Variants in PIK3CA observed in about 807,000 individuals in gnomAD.
PIK3CA encodes phosphatidylinositol 4,5-bisphosphate 3-kinase catalytic subunit alpha isoform.
In PIK3CA, 27 loss-of-function variants were observed where a neutral mutation model predicts 138.2. The observed-to-expected ratio is 0.20, with a 90% CI of 0.14 to 0.27. The LOEUF (loss-of-function observed/expected upper bound fraction) is 0.27, where lower values mean the gene tolerates loss of function less well. PIK3CA is among the 10% of genes least tolerant of loss of function. PIK3CA has a pLI of 1.00. For synonymous variants in PIK3CA, 358 were observed against 413.2 expected (o/e 0.87, Z 1.62); for missense variants, 544 against 1,277.4 (o/e 0.43, Z 8.75).
At chr3:179,163,458 G>T (rs751803691) in intron 1 of PIK3CA, among the ~76,000 whole-genome samples, 1 of 152,006 alleles carries the variant, frequency 6.6e-6, no homozygotes, top group Non-Finnish European at 1.5e-5. Flanking sequence ...GAGTTTAAAT[G>T]CAGCCTGCTA....
intron 1 of PIK3CA, among the ~76,000 whole-genome samples, chr3:179,164,020 C>G (rs1419668777): frequency 6.6e-6 from 1 of 152,094 alleles, no homozygotes; most frequent in Non-Finnish European, 1.5e-5. Flanking sequence ...ATGTATTTAA[C>G]AACTAAACTG....
chr3:179,174,343 C>A (rs1395449403), intron 1 of PIK3CA, among the ~76,000 whole-genome samples: 2 of 137,436 alleles, frequency 1.5e-5, no homozygotes, highest in African/African-American at 6.2e-5. Context: ...TGGTGGCAAG[C>A]ACCTGTAATC....
chr3:179,204,047 G>C (rs1025912550), intron 5 of PIK3CA, among the ~76,000 whole-genome samples: 1 of 152,012 alleles, frequency 6.6e-6, no homozygotes, highest in Non-Finnish European at 1.5e-5. Context: ...TACAGAATTC[G>C]TTTGGCAGAA....
rs1724362277 is a variant in PIK3CA, at chr3:179,199,755, C to T, written c.418C>T (p.Arg140Ter). 6.2e-7 allele frequency: 1 copy of T among 1,612,756 alleles called. No homozygotes were observed. The highest frequency in any genetic ancestry group is 1.3e-5 in the African/African-American group (1 of 74,860). Reference sequence around the variant, plus strand: ...TAAAGATCCAGAAGTACAGGACTTCCGAAGAAATATTCTGAACGTTTGTAA... The same window carrying T: ...TAAAGATCCAGAAGTACAGGACTTCTGAAGAAATATTCTGAACGTTTGTAA... ...MVKDPEVQDF[R>*]RNILNVCKEA... Residue 140 changes from arginine (R) to a stop codon, truncating the protein, a stop_gained, in exon 3 of 21, where the codon CGA (arginine) becomes TGA (stop). Coordinates refer to ENST00000263967, the MANE Select transcript of PIK3CA (RefSeq NM_006218.4). LOFTEE classifies it high-confidence loss of function.
chr3:179,166,884 A>G (rs1383383877), intron 1 of PIK3CA, among the ~76,000 whole-genome samples: 1 of 152,190 alleles, frequency 6.6e-6, no homozygotes, highest in African/African-American at 2.4e-5. Flanking sequence ...GGTTTAAACC[A>G]AATGTTAGCA....
intron 1 of PIK3CA, among the ~76,000 whole-genome samples, chr3:179,197,562 A>G (rs1724300640): frequency 6.6e-6 from 1 of 152,218 alleles, no homozygotes; most frequent in African/African-American, 2.4e-5. Flanking sequence ...CTTATTCGTC[A>G]TTAGATTCCC....
chr3:179,164,294 G>T (rs896310926), intron 1 of PIK3CA, among the ~76,000 whole-genome samples: 41 of 152,148 alleles, frequency 2.7e-4, no homozygotes, highest in African/African-American at 9.2e-4. Flanking sequence ...CTATATTTCC[G>T]ATACTTACAG....
At chr3:179,156,116 A>T (rs1723134841) in intron 1 of PIK3CA, among the ~76,000 whole-genome samples, 1 of 152,296 alleles carries the variant, frequency 6.6e-6, no homozygotes, top group Non-Finnish European at 1.5e-5. Context: ...AGAAGCTAAG[A>T]TCATTTTGTC....
chr3:179,161,376 A>G (rs1026160453), intron 1 of PIK3CA, among the ~76,000 whole-genome samples: 24 of 152,328 alleles, frequency 1.6e-4, no homozygotes, highest in African/African-American at 5.8e-4. Flanking sequence ...TAGACATACA[A>G]CAGAACAGAT....
At chr3:179,166,271 T>G (rs1723417561) in intron 1 of PIK3CA, among the ~76,000 whole-genome samples, 1 of 152,234 alleles carries the variant, frequency 6.6e-6, no homozygotes, top group Non-Finnish European at 1.5e-5. Context: ...AAATCTGGCT[T>G]CTTTTCTGGT....
chr3:179,163,920 C>T (rs1723349434), intron 1 of PIK3CA, among the ~76,000 whole-genome samples: 2 of 151,992 alleles, frequency 1.3e-5, no homozygotes, highest in Admixed American at 6.6e-5. Flanking sequence ...TCGAAAAGCA[C>T]GTGAACAATT....
intron 1 of PIK3CA, among the ~76,000 whole-genome samples, chr3:179,187,303 C>T (rs536851971): frequency 1.3e-5 from 2 of 151,670 alleles, no homozygotes; most frequent in African/African-American, 2.4e-5. Flanking sequence ...TTTGGGAGGC[C>T]GAGGTGGGCG....
chr3:179,205,015 C>T (rs57299654), intron 6 of PIK3CA, among the ~76,000 whole-genome samples: 10,843 of 100,154 alleles, frequency 0.11, 519 homozygotes, highest in African/African-American at 0.17. Flanking sequence ...AGCGAGACTC[C>T]GTCTCAAAAA....
chr3:179,218,885 A>G (rs1202318633), intron 10 of PIK3CA, among the ~76,000 whole-genome samples: 3 of 152,034 alleles, frequency 2.0e-5, no homozygotes, highest in Non-Finnish European at 4.4e-5. Flanking sequence ...TAAGTAGGTG[A>G]AAAATATGAG....
At chr3:179,226,207 A>G (rs368125140) in intron 17 of PIK3CA, among the ~76,000 whole-genome samples, 167 bp downstream of exon 17, 1 of 108,278 alleles carries the variant, frequency 9.2e-6, no homozygotes, top group African/African-American at 3.4e-5. Flanking sequence ...CTTACTTAGA[A>G]TAGCTAAATT....
At chr3:179,157,596 T>C (rs1163217601) in intron 1 of PIK3CA, among the ~76,000 whole-genome samples, 1 of 152,110 alleles carries the variant, frequency 6.6e-6, no homozygotes, top group Non-Finnish European at 1.5e-5. Flanking sequence ...TTGTTTGGTA[T>C]AAATATCAGA....
chr3:179,150,170 CGTGTGTGT>C (rs35995073), intron 1 of PIK3CA, among the ~76,000 whole-genome samples: 44 of 147,046 alleles, frequency 3.0e-4, no homozygotes, highest in Non-Finnish European at 4.8e-4. Flanking sequence ...TGTGTGTTTA[CGTGTGTGT>C]GTGTGTGTGT....
chr3:179,224,336 A>G (rs1322505654), intron 15 of PIK3CA, 149 bp downstream of exon 15: 4 of 543,482 alleles, frequency 7.4e-6, no homozygotes, highest in South Asian at 5.6e-5. Flanking sequence ...TAAGAGTAGT[A>G]TATCTTAAGT....
intron 1 of PIK3CA, among the ~76,000 whole-genome samples, chr3:179,167,400 A>AG (rs1723447270): frequency 1.3e-5 from 2 of 152,058 alleles, no homozygotes; most frequent in African/African-American, 4.8e-5. Context: ...TAAGATACTC[A>AG]TATCTTCATT....
Sources: gnomAD v4.1 joint callset for allele counts (sites outside exome capture counted in the v4.1 genomes callset) on GRCh38, gnomAD v4.1.1 for gene constraint, MANE v1.5 for transcripts, NCBI Gene and HGNC (gene_info 2026-07-23, HGNC 2026-07-21) for gene names.